ARHGEF10L: variants seen among roughly 807,000 people sequenced by gnomAD.
ARHGEF10L encodes Rho guanine nucleotide exchange factor 10 like, also known as rho guanine nucleotide exchange factor 10-like protein.
ARHGEF10L carries 69 observed loss-of-function variants against 141.2 expected under a neutral mutation model. The ratio of observed to expected loss-of-function variants is 0.49; its 90% CI spans 0.40 to 0.60. ARHGEF10L has a LOEUF of 0.60. ARHGEF10L is among the 20% of genes least tolerant of loss of function. ARHGEF10L has a pLI of 0.00. For synonymous variants in ARHGEF10L, 711 were observed against 718.5 expected (o/e 0.99, Z 0.17); for missense variants, 1,482 against 1,734.3 (o/e 0.85, Z 2.58).
rs561277032 is a variant in ARHGEF10L, at chr1:17,694,621, G to C, written c.3185-537G>C. On this transcript the variant is annotated intron_variant, in intron 27 of 28. Coordinates refer to ENST00000361221, the MANE Select transcript of ARHGEF10L (RefSeq NM_018125.4). ...GGGCCCAGGGCCTGCAGGGTGTGCT[G>C]TGACCTCATCTGAAGAAGCACCCAC... 382 of 313,814 alleles carry C rather than the reference G, an allele frequency of 1.2e-3. 4 individuals are homozygous for C. The highest frequency in any genetic ancestry group is 9.5e-3 in the South Asian group (370 of 39,122). 19.4% of individuals were successfully genotyped at this position (313,814 alleles called of 1,614,324 possible). A position where few individuals can be genotyped will look rare whatever the true frequency, so the allele number is the denominator to read the frequency against.
chr1:17,580,676 AGGGGGCCGCT>A (rs775677911), intron 2 of ARHGEF10L, 44 bp downstream of exon 2: 1 of 1,613,474 alleles, frequency 6.2e-7, no homozygotes, highest in South Asian at 1.1e-5. Context: ...CTTTCTTAGA[AGGGGGCCGCT>A]GGGGGCCGGC....
Position 17,588,470 on chromosome 1 carries a change from C to G in ARHGEF10L, c.248C>G (p.Pro83Arg), listed in dbSNP as rs760436961. The change falls in exon 4 of 29, where the codon CCC becomes CGC. Residue 83 changes from proline to arginine, a missense_variant. This residue lies in a region of ARHGEF10L where 232 missense variants were observed against 225.9 expected (regional missense o/e 1.03). Coordinates refer to ENST00000361221, the MANE Select transcript of ARHGEF10L (RefSeq NM_018125.4). ...GACCCAGACCCAGCAGCTGCTCCAC[C>G]CGGCACAGGGTAAGTGAACCTTGCT... ...VTDPDPAAAP[P>R]GTGVPAWVSN... 5.0e-6 allele frequency: 8 copies of G among 1,614,018 alleles called. No homozygotes were observed. In the South Asian group the frequency reaches 8.8e-5, roughly 18 times the overall value.
In ARHGEF10L at chr1:17,549,325, G is replaced by A. The variant is rs190932340; in HGVS notation, c.-44+9375G>A. Reference sequence around the variant, plus strand: ...GGTGTGAGCCACGGTGCCCAGCCTCGTGAGTCTTATATGATGGTGGAGGAG... The same window carrying A: ...GGTGTGAGCCACGGTGCCCAGCCTCATGAGTCTTATATGATGGTGGAGGAG... On this transcript the variant is annotated intron_variant, in intron 1 of 28. Coordinates refer to ENST00000361221, the MANE Select transcript of ARHGEF10L (RefSeq NM_018125.4). 1.7e-4 allele frequency among the ~76,000 whole-genome samples: 26 copies of A among 152,086 alleles called. No individual in the cohort carries two copies. The East Asian group carries it at 3.7e-3, about 21-fold the overall frequency.
intron 1 of ARHGEF10L, among the ~76,000 whole-genome samples, chr1:17,547,889 C>T (rs2076971547): frequency 6.6e-6 from 1 of 152,132 alleles, no homozygotes; most frequent in Non-Finnish European, 1.5e-5. Flanking sequence ...ATTTAGGGCC[C>T]ACAAAGGGAG....
chr1:17,520,088 C>A, the ARHGEF10L span, among the ~76,000 whole-genome samples: 1 of 152,226 alleles, frequency 6.6e-6, no homozygotes, highest in Non-Finnish European at 1.5e-5. Context: ...CTTGGCACCC[C>A]CCTCTGGATT....
chr1:17,665,446 G>C (rs1202370586), intron 26 of ARHGEF10L, among the ~76,000 whole-genome samples: 2 of 152,168 alleles, frequency 1.3e-5, no homozygotes, highest in Admixed American at 1.3e-4. Flanking sequence ...GGGAAACTGA[G>C]GCACGGGGCC....
chr1:17,518,620 C>T, the ARHGEF10L span, among the ~76,000 whole-genome samples: 2 of 151,378 alleles, frequency 1.3e-5, no homozygotes, highest in East Asian at 2.0e-4. Flanking sequence ...GGTGAAACCC[C>T]GTCTCTATTA....
rs1426368194 is a variant in ARHGEF10L at position 17,623,181 on chromosome 1, T to G, written c.1200+6T>G. 3.7e-6 allele frequency: 6 copies of G among 1,610,324 alleles called. No homozygotes were observed. The highest frequency in any genetic ancestry group is 5.1e-6 in the Non-Finnish European group (6 of 1,178,490). ...GGGACCTCTTCGTGGCCTCGGTAAG[T>G]GTCCCCAAACTTTTTCCCCAGCCCA... On this transcript the variant is annotated splice_donor_region_variant and intron_variant, in intron 12 of 28. Coordinates refer to ENST00000361221, the MANE Select transcript of ARHGEF10L (RefSeq NM_018125.4). This position sits in a 1 kb window ranked among gnomAD's most constrained non-coding sequence, Gnocchi z 4.7.
Position 17,655,959 on chromosome 1 carries a change from C to A in ARHGEF10L, c.2562C>A (p.Ser854=). ...GGCCCTCGCCCCGCACCGTCAAGTC[C>A]TTCCCACTGGCAGCCCCTGTGCTCT... ...LNRPSPRTVK[S]FPLAAPVLCM... The change falls in exon 24 of 29, where the codon TCC becomes TCA. Residue 854 remains serine, a synonymous_variant. Coordinates refer to ENST00000361221, the MANE Select transcript of ARHGEF10L (RefSeq NM_018125.4). 1 of 1,562,930 alleles carries A rather than the reference C, an allele frequency of 6.4e-7. No homozygotes were observed. The highest frequency in any genetic ancestry group is 1.4e-5 in the African/African-American group (1 of 73,992).
chr1:17,567,206 T>A (rs1048651541), intron 1 of ARHGEF10L, among the ~76,000 whole-genome samples: 1 of 152,202 alleles, frequency 6.6e-6, no homozygotes, highest in Non-Finnish European at 1.5e-5. Context: ...CCTGTTATGC[T>A]TGCTGGCAGT....
At chr1:17,612,896 A>G (rs2059620359) in intron 7 of ARHGEF10L, among the ~76,000 whole-genome samples, 162 bp from the exon 8 acceptor site, 1 of 152,198 alleles carries the variant, frequency 6.6e-6, no homozygotes, top group Non-Finnish European at 1.5e-5. Flanking sequence ...ATCTGGCTGG[A>G]CTGCTGCCTG....
At chr1:17,691,600 C>T (rs1458549904) in intron 27 of ARHGEF10L, among the ~76,000 whole-genome samples, 4 of 152,098 alleles carry the variant, frequency 2.6e-5, no homozygotes, top group African/African-American at 4.8e-5. Flanking sequence ...AAGACATTAG[C>T]GTCCAGATCC....
chr1:17,515,633 GCTTTTCTTTTTTT>G, the ARHGEF10L span, among the ~76,000 whole-genome samples: 8 of 151,780 alleles, frequency 5.3e-5, no homozygotes, highest in Admixed American at 4.6e-4. Context: ...TTCTCTTTTT[GCTTTTCTTTTTTT>G]CTTTTCTTTT....
At chr1:17,677,729 T>C (rs2063812871) in intron 26 of ARHGEF10L, among the ~76,000 whole-genome samples, 1 of 152,200 alleles carries the variant, frequency 6.6e-6, no homozygotes, top group South Asian at 2.1e-4. Flanking sequence ...GTAGGTACTA[T>C]TAATATTATC....
At chr1:17,555,185 T>G (rs1410570377) in intron 1 of ARHGEF10L, among the ~76,000 whole-genome samples, 1 of 152,182 alleles carries the variant, frequency 6.6e-6, no homozygotes, top group African/African-American at 2.4e-5. Context: ...CTTTAACATG[T>G]GGAGTATTGT....
chr1:17,624,315 C>T, intron 12 of ARHGEF10L, 72 bp from the exon 13 acceptor site: 1 of 1,268,908 alleles, frequency 7.9e-7, no homozygotes, highest in Admixed American at 1.7e-5. Context: ...CCTCCCTGGC[C>T]CACACCTGCC....
At chr1:17,593,310 G>A (rs779136926) in intron 4 of ARHGEF10L, among the ~76,000 whole-genome samples, 27 of 152,216 alleles carry the variant, frequency 1.8e-4, no homozygotes, top group Non-Finnish European at 3.4e-4. Flanking sequence ...ACAACTGTGG[G>A]AGGCAGAATC....
chr1:17,516,622 C>G, the ARHGEF10L span, among the ~76,000 whole-genome samples: 2 of 152,280 alleles, frequency 1.3e-5, no homozygotes. Context: ...AGGTGGAGCT[C>G]TGGGAATGAG....
chr1:17,584,958 G>A (rs1319984342), intron 2 of ARHGEF10L, among the ~76,000 whole-genome samples: 1 of 152,136 alleles, frequency 6.6e-6, no homozygotes, highest in East Asian at 1.9e-4. Flanking sequence ...GAATTCATTA[G>A]TATCACAATA....
Sources: allele counts gnomAD v4.1 joint callset (sites outside exome capture counted in the v4.1 genomes callset), GRCh38; gene constraint gnomAD v4.1.1; regional missense constraint gnomAD v4.1.1; non-coding constraint Gnocchi (gnomAD v3.1); transcripts MANE v1.5; gene names NCBI Gene and HGNC (gene_info 2026-07-23, HGNC 2026-07-21).